The following MRPS17 variants were observed in gnomAD, a reference collection of about 807,000 sequenced individuals.
MRPS17 encodes the protein mitochondrial ribosomal protein S17.
In MRPS17, 6 loss-of-function variants were observed where a neutral mutation model predicts 11.3. The ratio of observed to expected loss-of-function variants is 0.53; its 90% CI spans 0.29 to 1.05. The LOEUF is 1.05. Ranked by LOEUF, MRPS17 falls within the 50% of genes least tolerant of loss-of-function variation. MRPS17 has a pLI of 0.08. For missense variants in MRPS17, 139 were observed against 153.6 expected (o/e 0.90, Z 0.50); for synonymous variants, 56 against 60.4 (o/e 0.93, Z 0.34).
chr7:55,953,379 AGC>A lies in MRPS17; in HGVS notation c.123+62_123+63del. 8 of 1,589,808 alleles carry A rather than the reference AGC, an allele frequency of 5.0e-6. No homozygotes were observed. In the Admixed American group the frequency reaches 9.0e-5, roughly 18 times the overall value. On this transcript the variant is annotated intron_variant, in intron 2 of 2. Coordinates refer to ENST00000285298, the MANE Select transcript of MRPS17 (RefSeq NM_015969.3). The stretch of plus-strand genomic sequence containing the variant: ...AATCACCACCATGTCCTGGGTCCTA[AGC>A]AAAAAAACATTTATCTCTCAGTAAA...
chr7:55,955,173 C>G lies in MRPS17; in HGVS notation c.388C>G (p.Gln130Glu), dbSNP rs1165806280. 2.5e-6 allele frequency: 4 copies of G among 1,612,280 alleles called. No homozygotes were observed. In the Admixed American group the frequency reaches 5.0e-5, roughly 20 times the overall value. The change falls in exon 3 of 3, where the codon CAG becomes GAG. Residue 130 changes from glutamine (Q) to glutamate (E), a missense_variant. Coordinates refer to ENST00000285298, the MANE Select transcript of MRPS17 (RefSeq NM_015969.3). ...NLEELNISSA[Q>E] ...GGAAGAACTCAATATCTCTTCAGCA[C>G]AGTGAAGCGGGAGTGGAAGAAGGAT...
rs1331452443 is a variant in MRPS17 at position 55,956,095 on chromosome 7, A to T, written c.*917A>T. 6.6e-6 allele frequency: 1 copy of T among 151,394 alleles called. No individual in the cohort carries two copies. Among genetic ancestry groups the T allele is most frequent in the Non-Finnish European group, 1.5e-5 (1 of 67,952 alleles). The allele number at this position is 151,394 out of a possible 1,614,324, so 9.4% of individuals were successfully genotyped here. A position where few individuals can be genotyped will look rare whatever the true frequency, so the allele number is the denominator to read the frequency against. On this transcript the variant is annotated 3_prime_UTR_variant, in exon 3 of 3. Transcript: ENST00000285298. ...TTTCATTCAAAGGAATTTTGAATTT[A>T]TCTTAGAACCTTTATTTTGAAGGAA... is the stretch of plus-strand genomic sequence containing the variant.
Position 55,955,201 on chromosome 7 carries a change from A to G in MRPS17, c.*23A>G. 1 of 1,600,200 alleles carries G rather than the reference A, an allele frequency of 6.2e-7. No individual in the cohort carries two copies. Among genetic ancestry groups the G allele is most frequent in the South Asian group, 1.1e-5 (1 of 89,124 alleles). On this transcript the variant is annotated 3_prime_UTR_variant, in exon 3 of 3. Coordinates refer to ENST00000285298, the MANE Select transcript of MRPS17 (RefSeq NM_015969.3). ...TGAAGCGGGAGTGGAAGAAGGATCT[A>G]AAGGGAAAAACTGACATGTTTATGT...
intron 2 of MRPS17, among the ~76,000 whole-genome samples, chr7:55,954,137 A>T (rs1786693602): frequency 1.3e-5 from 2 of 152,142 alleles, no homozygotes. Flanking sequence ...TGTAGTGGGG[A>T]TGGAGTGGAA....
Position 55,956,350 on chromosome 7 carries a change from C to T in MRPS17, c.*1172C>T, listed in dbSNP as rs907977704. 4.1e-4 allele frequency: 62 copies of T among 152,020 alleles called. No homozygotes were observed. The highest frequency in any genetic ancestry group is 1.4e-3 in the African/African-American group (60 of 41,392). 9.4% of individuals were successfully genotyped at this position (152,020 alleles called of 1,614,324 possible). A position where few individuals can be genotyped will look rare whatever the true frequency, so the allele number is the denominator to read the frequency against. On this transcript the variant is annotated 3_prime_UTR_variant, in exon 3 of 3. Transcript: ENST00000285298. ...GTCAGGCTAGTCTTGAACTCCGGAC[C>T]TCAGGTGATCCGCCCGCCTGGGCCT...
Position 55,955,177 on chromosome 7 carries a change from G to T in MRPS17, c.392G>T (p.Ter131LeuextTer8), listed in dbSNP as rs1378863832. 1 of 1,610,790 alleles carries T rather than the reference G, an allele frequency of 6.2e-7. No individual in the cohort carries two copies. Among genetic ancestry groups the T allele is most frequent in the South Asian group, 1.1e-5 (1 of 90,758 alleles). ...LEELNISSAQ[*>L] ...GAACTCAATATCTCTTCAGCACAGTGAAGCGGGAGTGGAAGAAGGATCTAA... is the reference window on the plus strand; with the variant it reads ...GAACTCAATATCTCTTCAGCACAGTTAAGCGGGAGTGGAAGAAGGATCTAA... Residue 131 changes from the stop codon to leucine, a stop_lost, in exon 3 of 3, where the codon TGA becomes TTA. Transcript: ENST00000285298.
Position 55,955,789 on chromosome 7 carries a change from G to T in MRPS17, c.*611G>T. ...GGTTTTATTTTTGTCTTTTGAGACA[G>T]GGTTTTGCTTTGTTGTGGGGGCTGG... is the stretch of plus-strand genomic sequence containing the variant. On this transcript the variant is annotated 3_prime_UTR_variant, in exon 3 of 3. Coordinates refer to ENST00000285298, the MANE Select transcript of MRPS17 (RefSeq NM_015969.3). 1 of 152,968 alleles carries T rather than the reference G, an allele frequency of 6.5e-6. No homozygotes were observed. Among genetic ancestry groups the T allele is most frequent in the South Asian group, 2.1e-4 (1 of 4,832 alleles). The allele number at this position is 152,968 out of a possible 1,614,324, so 9.5% of individuals were successfully genotyped here.
At chr7:55,954,176 G>C (rs975786712) in intron 2 of MRPS17, among the ~76,000 whole-genome samples, 1 of 152,188 alleles carries the variant, frequency 6.6e-6, no homozygotes, top group African/African-American at 2.4e-5. Context: ...CAGAGTCATT[G>C]ATTTGTTTGC....
At position 55,956,498 on chromosome 7, in the gene MRPS17, C is replaced by T. The variant is rs1266349770; in HGVS notation, c.*1320C>T. 1.3e-5 allele frequency: 2 copies of T among 152,156 alleles called. No individual in the cohort carries two copies. Among genetic ancestry groups the T allele is most frequent in the African/African-American group, 4.8e-5 (2 of 41,436 alleles). 9.4% of individuals were successfully genotyped at this position (152,156 alleles called of 1,614,324 possible). ...GTGTGGAAAATAAAATTTTACAATT[C>T]TGTGCCACTTTTCTTACATCCTAGG... On this transcript the variant is annotated 3_prime_UTR_variant, in exon 3 of 3. Coordinates refer to ENST00000285298, the MANE Select transcript of MRPS17 (RefSeq NM_015969.3).
intron 1 of MRPS17, among the ~76,000 whole-genome samples, chr7:55,952,939 G>A (rs1463260562): frequency 6.6e-6 from 1 of 151,984 alleles, no homozygotes; most frequent in South Asian, 2.1e-4. Context: ...GGCTGAGGCA[G>A]GAGAATGGCG....
At chr7:55,953,701 A>C (rs1455717933) in intron 2 of MRPS17, among the ~76,000 whole-genome samples, 1 of 152,178 alleles carries the variant, frequency 6.6e-6, no homozygotes, top group Admixed American at 6.5e-5. Context: ...GCGCACCTGT[A>C]ATCCTAGCTA....
chr7:55,954,882 G>T, intron 2 of MRPS17, 27 bp from the exon 3 acceptor site: 1 of 1,604,664 alleles, frequency 6.2e-7, no homozygotes, highest in Non-Finnish European at 8.5e-7. Context: ...GGGAACTACT[G>T]ATTTGCTTCT....
rs1786674455 is a variant in MRPS17, at chr7:55,953,232, A to G, written c.37A>G (p.Ile13Val). 1 of 1,614,030 alleles carries G rather than the reference A, an allele frequency of 6.2e-7. No homozygotes were observed. Among genetic ancestry groups the G allele is most frequent in the South Asian group, 1.1e-5 (1 of 91,090 alleles). ...TCGCTCATCCGTCCATGCCAGATGG[A>G]TTGTGGGGAAGGTGATTGGGACAAA... is the stretch of plus-strand genomic sequence containing the variant. ...VVRSSVHARW[I>V]VGKVIGTKMQ... The change falls in exon 2 of 3, where the codon ATT (isoleucine) becomes GTT (valine). Residue 13 changes from isoleucine (I) to valine (V), a missense_variant. Ile to Val is a conservative substitution (Grantham distance 29). Transcript: ENST00000285298.
intron 1 of MRPS17, 144 bp from the exon 2 acceptor site, chr7:55,953,035 A>AAAAAC (rs1250692577): frequency 8.0e-6 from 8 of 998,718 alleles, no homozygotes; most frequent in Non-Finnish European, 1.0e-5. Flanking sequence ...ACATCTAAAA[A>AAAAAC]AAAACAAAAC....
chr7:55,955,403 G>A lies in MRPS17; in HGVS notation c.*225G>A. ...TGAACATACTTCCACGTTACATTAAGTGTGCCTAGCAGTCTGTTGCATTTT... is the reference window on the plus strand; with the variant it reads ...TGAACATACTTCCACGTTACATTAAATGTGCCTAGCAGTCTGTTGCATTTT... On this transcript the variant is annotated 3_prime_UTR_variant, in exon 3 of 3. Transcript: ENST00000285298. The A allele has an allele frequency of 7.2e-6, 4 of 559,138 alleles. No individual in the cohort carries two copies. The highest frequency in any genetic ancestry group is 3.3e-5 in the Admixed American group (1 of 30,162). The allele number at this position is 559,138 out of a possible 1,614,324, so 34.6% of individuals were successfully genotyped here.
In MRPS17 at chr7:55,954,967, G is replaced by A. The variant is rs1441742980; in HGVS notation, c.182G>A (p.Gly61Glu). 6.2e-7 allele frequency: 1 copy of A among 1,613,992 alleles called. No homozygotes were observed. The highest frequency in any genetic ancestry group is 2.2e-5 in the East Asian group (1 of 44,898). ...AHDALQQCTVGDIVLLRALPV... is the reference protein window; with the variant it reads ...AHDALQQCTVEDIVLLRALPV... ...GATGCCCTTCAGCAGTGCACAGTTG[G>A]GGATATTGTGCTTCTCAGAGCTTTA... Residue 61 changes from glycine to glutamate, a missense_variant, in exon 3 of 3, where the codon GGG becomes GAG. Coordinates refer to ENST00000285298, the MANE Select transcript of MRPS17 (RefSeq NM_015969.3).
At chr7:55,953,655 C>G (rs1384424655) in intron 2 of MRPS17, among the ~76,000 whole-genome samples, 1 of 152,140 alleles carries the variant, frequency 6.6e-6, no homozygotes, top group African/African-American at 2.4e-5. Context: ...AACCCCGTCT[C>G]TACTAAAAAT....
At chr7:55,952,967 G>C (rs546685940) in intron 1 of MRPS17, among the ~76,000 whole-genome samples, 11 of 152,044 alleles carry the variant, frequency 7.2e-5, no homozygotes, top group Non-Finnish European at 1.3e-4. Context: ...AGGAGGCGGC[G>C]TTTGCAGTGA....
chr7:55,954,455 C>T (rs374023460), intron 2 of MRPS17, among the ~76,000 whole-genome samples: 18 of 152,122 alleles, frequency 1.2e-4, no homozygotes, highest in Non-Finnish European at 1.0e-4. Flanking sequence ...AGGCTGGGCG[C>T]GGTGGCTCAT....
Sources: gnomAD v4.1 joint callset for allele counts (sites outside exome capture counted in the v4.1 genomes callset) on GRCh38, gnomAD v4.1.1 for gene constraint, MANE v1.5 for transcripts, NCBI Gene and HGNC (gene_info 2026-07-23, HGNC 2026-07-21) for gene names.